Variants in WNT2B observed in about 807,000 individuals in gnomAD.
WNT2B encodes the protein protein Wnt-2b.
A neutral mutation model predicts 40.5 loss-of-function variants in WNT2B; 19 were observed. The ratio of observed to expected loss-of-function variants is 0.47; its 90% CI spans 0.33 to 0.69. The LOEUF (loss-of-function observed/expected upper bound fraction) is 0.69, where lower values mean the gene tolerates loss of function less well. Among genes scored for constraint, WNT2B ranks in the 30% least tolerant of loss-of-function variants. WNT2B has a pLI of 0.02. For missense variants in WNT2B, 467 were observed against 556.4 expected (o/e 0.84, Z 1.62); for synonymous variants, 220 against 211.9 (o/e 1.04, Z -0.33).
In WNT2B at chr1:112,470,152, G is replaced by A. The variant is rs183068648; in HGVS notation, c.-95+2561G>A. On this transcript the variant is annotated intron_variant, in intron 1 of 4. Coordinates refer to the WNT2B transcript ENST00000256640. ...TGAAGAACTCTTTTTAGCATTTCTT[G>A]TAGGACAGGTCTGGTGTTGATGAAA... 3.9e-5 allele frequency among the ~76,000 whole-genome samples: 6 copies of A among 152,246 alleles called. No homozygotes were observed. The East Asian group carries it at 1.2e-3, about 29-fold the overall frequency.
chr1:112,519,881 T>C (rs1401961667), intron 4 of WNT2B, among the ~76,000 whole-genome samples: 5 of 148,984 alleles, frequency 3.4e-5, no homozygotes, highest in African/African-American at 7.4e-5. Flanking sequence ...TCTTTTTTTT[T>C]TTTTTTTTTT....
intron 1 of WNT2B, among the ~76,000 whole-genome samples, chr1:112,481,657 A>T (rs1310764294): frequency 6.6e-6 from 1 of 152,220 alleles, no homozygotes; most frequent in Non-Finnish European, 1.5e-5. Context: ...ACTCAATGAA[A>T]AAACTGTTAG....
chr1:112,511,116 G>C (rs1014212684), intron 1 of WNT2B, among the ~76,000 whole-genome samples: 1 of 152,060 alleles, frequency 6.6e-6, no homozygotes, highest in African/African-American at 2.4e-5. Flanking sequence ...CCCAAATGGG[G>C]GTCTTCCTAG....
rs185805958 is a variant in WNT2B, at chr1:112,516,446, T to G, written c.681+29T>G. Reference sequence around the variant, plus strand: ...AGTACTCATGTCTGTGTAAGTACACTCATATTTGCTGGGGGTGACCAGTGT... The same window carrying G: ...AGTACTCATGTCTGTGTAAGTACACGCATATTTGCTGGGGGTGACCAGTGT... On this transcript the variant is annotated intron_variant, in intron 3 of 4. Coordinates refer to ENST00000369684, the MANE Select transcript of WNT2B (RefSeq NM_024494.3). The G allele has an allele frequency of 7.0e-4, 1,112 of 1,586,562 alleles. 3 individuals carry two copies. The highest frequency in any genetic ancestry group is 8.7e-4 in the Non-Finnish European group (1,015 of 1,164,002).
At chr1:112,469,660 G>A (rs1650813309) in intron 1 of WNT2B, among the ~76,000 whole-genome samples, 1 of 151,800 alleles carries the variant, frequency 6.6e-6, no homozygotes, top group African/African-American at 2.4e-5. Flanking sequence ...TGTCACCCAG[G>A]CTAGAGTGCA....
At chr1:112,505,147 G>C (rs1435054519), upstream of WNT2B, among the ~76,000 whole-genome samples, 1 of 152,132 alleles carries the variant, frequency 6.6e-6, no homozygotes, top group Non-Finnish European at 1.5e-5. Flanking sequence ...CCACTATGGG[G>C]AAGAGGGTGG....
intron 1 of WNT2B, among the ~76,000 whole-genome samples, chr1:112,512,439 A>G (rs2101085718): frequency 6.6e-6 from 1 of 152,334 alleles, no homozygotes; most frequent in East Asian, 1.9e-4. Context: ...TGCATTTCTA[A>G]CGAATCCCCA....
Position 112,527,878 on chromosome 1 carries a change from A to T in WNT2B, c.*7369A>T, listed in dbSNP as rs1339281534. On this transcript the variant is annotated 3_prime_UTR_variant, in exon 5 of 5. Transcript: ENST00000369684. ...AGGAATGTAACTATGAAGTAAAAGG[A>T]AACAGTAAGGAAGGTGAACTGGAAC... 1 of 152,258 alleles carries T rather than the reference A, an allele frequency of 6.6e-6. No individual in the cohort carries two copies. Among genetic ancestry groups the T allele is most frequent in the Admixed American group, 6.5e-5 (1 of 15,286 alleles). The allele number at this position is 152,258 out of a possible 1,614,324, so 9.4% of individuals were successfully genotyped here.
intron 1 of WNT2B, among the ~76,000 whole-genome samples, chr1:112,479,764 C>T (rs1444712276): frequency 3.3e-5 from 5 of 151,820 alleles, no homozygotes; most frequent in South Asian, 4.2e-4. Flanking sequence ...CAGGCTGGAG[C>T]GCAGTGTCGC....
chr1:112,483,506 C>G (rs2101057820), intron 1 of WNT2B, among the ~76,000 whole-genome samples: 1 of 152,034 alleles, frequency 6.6e-6, no homozygotes, highest in South Asian at 2.1e-4. Context: ...AGCTTAAAAG[C>G]TAAAACCATA....
rs908956867 is a variant in WNT2B, at chr1:112,489,025, G to C, written c.-95+21434G>C. 2.6e-5 allele frequency among the ~76,000 whole-genome samples: 4 copies of C among 152,184 alleles called. No individual in the cohort carries two copies. In the South Asian group the frequency reaches 8.3e-4, roughly 32 times the overall value. On this transcript the variant is annotated intron_variant, in intron 1 of 4. Coordinates refer to the WNT2B transcript ENST00000256640. ...AAGCATCTGTGCATCCTAAAACCAA[G>C]CAATCCCAGATAAATTTGCACTCTT... is the stretch of plus-strand genomic sequence containing the variant.
chr1:112,521,066 CAT>C lies in WNT2B; in HGVS notation c.*560_*561del, dbSNP rs139624875. The C allele has an allele frequency of 0.013, 2,023 of 154,740 alleles. 56 individuals carry two copies. Among genetic ancestry groups the C allele is most frequent in the African/African-American group, 0.047 (1,938 of 41,552 alleles). 9.6% of individuals were successfully genotyped at this position (154,740 alleles called of 1,614,324 possible). A position where few individuals can be genotyped will look rare whatever the true frequency, so the allele number is the denominator to read the frequency against. On this transcript the variant is annotated 3_prime_UTR_variant, in exon 5 of 5. Coordinates refer to ENST00000369684, the MANE Select transcript of WNT2B (RefSeq NM_024494.3). ...GTGGACAAGGTTCCATTCACATGCT[CAT>C]ATGTTTATAAACTGTGTTTTGTAGA... is the stretch of plus-strand genomic sequence containing the variant.
chr1:112,491,490 T>G (rs1651603575), intron 1 of WNT2B, among the ~76,000 whole-genome samples: 2 of 152,036 alleles, frequency 1.3e-5, no homozygotes, highest in Admixed American at 1.3e-4. Context: ...AAAGACTACA[T>G]GGAATAGGGC....
upstream of WNT2B, among the ~76,000 whole-genome samples, chr1:112,507,902 A>G (rs1652171827): frequency 6.6e-6 from 1 of 152,180 alleles, no homozygotes; most frequent in African/African-American, 2.4e-5. Context: ...GGAGGGCCAC[A>G]GTGCCCGCAG....
intron 1 of WNT2B, among the ~76,000 whole-genome samples, chr1:112,498,915 A>C (rs923464739): frequency 3.3e-5 from 5 of 152,144 alleles, no homozygotes; most frequent in African/African-American, 1.2e-4. Context: ...CCCAATTTCA[A>C]AGCTGCTTCC....
chr1:112,484,357 G>A (rs935278649), intron 1 of WNT2B, among the ~76,000 whole-genome samples: 1 of 149,638 alleles, frequency 6.7e-6, no homozygotes, highest in Non-Finnish European at 1.5e-5. Context: ...GCTGGAGTTG[G>A]TGGTGCAGTC....
At chr1:112,505,999 T>A (rs866828038), upstream of WNT2B, among the ~76,000 whole-genome samples, 2 of 151,824 alleles carry the variant, frequency 1.3e-5, no homozygotes, top group South Asian at 2.1e-4. Context: ...TGCTTTAAAA[T>A]TTTTTTTATT....
chr1:112,492,711 G>A (rs1425920640), intron 1 of WNT2B, among the ~76,000 whole-genome samples: 3 of 152,216 alleles, frequency 2.0e-5, no homozygotes, highest in East Asian at 1.9e-4. Context: ...ATCCAAACTA[G>A]GGGAAGGAAA....
intron 1 of WNT2B, among the ~76,000 whole-genome samples, chr1:112,484,776 C>A: frequency 6.6e-6 from 1 of 150,564 alleles, no homozygotes; most frequent in Non-Finnish European, 1.5e-5. Context: ...TTTATATTAG[C>A]AATGGAAGTA....
Sources: gnomAD v4.1 joint callset for allele counts (sites outside exome capture counted in the v4.1 genomes callset) on GRCh38, gnomAD v4.1.1 for gene constraint, MANE v1.5 for transcripts, NCBI Gene and HGNC (gene_info 2026-07-23, HGNC 2026-07-21) for gene names.